Variants in BLTP3B observed in about 807,000 individuals in gnomAD.
BLTP3B encodes the protein UHRF1 (ICBP90) binding protein 1-like.
the BLTP3B span, among the ~76,000 whole-genome samples, chr12:100,043,711 T>C: frequency 3.3e-5 from 5 of 152,350 alleles, no homozygotes; most frequent in South Asian, 8.3e-4. Flanking sequence ...ATTCCCTTCC[T>C]GGGGGCTTAG....
At chr12:100,138,333 AT>A in the BLTP3B span, among the ~76,000 whole-genome samples, 1 of 152,160 alleles carries the variant, frequency 6.6e-6, no homozygotes, top group Admixed American at 6.5e-5. Flanking sequence ...CAGCTTTCTG[AT>A]GTTTGCAGGC....
At chr12:100,098,298 C>G in the BLTP3B span, 8 of 1,497,132 alleles carry the variant, frequency 5.3e-6, no homozygotes, top group East Asian at 2.3e-5. Flanking sequence ...TTTAATCGTC[C>G]TCTTTTACTT....
the BLTP3B span, among the ~76,000 whole-genome samples, chr12:100,046,311 G>T: frequency 1.3e-5 from 2 of 152,136 alleles, no homozygotes; most frequent in Non-Finnish European, 2.9e-5. Context: ...CAATAGCAAA[G>T]ACTTGGAACC....
At chr12:100,041,877 T>G in the BLTP3B span, among the ~76,000 whole-genome samples, 1 of 151,974 alleles carries the variant, frequency 6.6e-6, no homozygotes, top group Non-Finnish European at 1.5e-5. Flanking sequence ...AGAAAAAAAC[T>G]AAGGAAACAA....
the BLTP3B span, among the ~76,000 whole-genome samples, chr12:100,138,789 C>T: frequency 0.063 from 9,562 of 152,308 alleles, 332 homozygotes; most frequent in Middle Eastern, 0.14. Flanking sequence ...CAGGTCCTGG[C>T]TTAATTAAAT....
the BLTP3B span, chr12:100,084,769 T>A: frequency 8.7e-7 from 1 of 1,154,338 alleles, no homozygotes; most frequent in Non-Finnish European, 1.2e-6. Context: ...GACTTTGATA[T>A]CTGAAAAATT....
At chr12:100,060,551 G>T in the BLTP3B span, among the ~76,000 whole-genome samples, 22 of 152,110 alleles carry the variant, frequency 1.4e-4, no homozygotes, top group African/African-American at 2.4e-4. Flanking sequence ...ATGCTAGCAG[G>T]TTCTCCTTGA....
chr12:100,065,261 T>C, the BLTP3B span, among the ~76,000 whole-genome samples: 8 of 151,900 alleles, frequency 5.3e-5, no homozygotes, highest in African/African-American at 1.9e-4. Context: ...TACAAATTGA[T>C]TGAAAAACGT....
the BLTP3B span, among the ~76,000 whole-genome samples, chr12:100,116,663 CT>C: frequency 6.6e-6 from 1 of 152,096 alleles, no homozygotes; most frequent in Non-Finnish European, 1.5e-5. Context: ...ACTAAAATTG[CT>C]TTTCCCCTAA....
chr12:100,048,295 T>TC, the BLTP3B span: 1 of 1,337,678 alleles, frequency 7.5e-7, no homozygotes, highest in Middle Eastern at 1.9e-4. Context: ...TTTTACTATT[T>TC]CCCCCTAGTT....
chr12:100,076,462 C>T, the BLTP3B span, among the ~76,000 whole-genome samples: 1 of 147,398 alleles, frequency 6.8e-6, no homozygotes, highest in African/African-American at 2.5e-5. Context: ...GGCACAATCT[C>T]GGCCCACAAC....
the BLTP3B span, chr12:100,088,933 T>C: frequency 6.4e-7 from 1 of 1,573,300 alleles, no homozygotes; most frequent in Non-Finnish European, 8.6e-7. Context: ...TTAGCATGAA[T>C]GTCATCACAT....
the BLTP3B span, chr12:100,039,836 T>C: frequency 2.1e-5 from 31 of 1,506,320 alleles, no homozygotes; most frequent in Non-Finnish European, 2.7e-5. Context: ...AAATACTTGA[T>C]AAATCTTTAA....
At chr12:100,043,190 A>C in the BLTP3B span, among the ~76,000 whole-genome samples, 1 of 152,200 alleles carries the variant, frequency 6.6e-6, no homozygotes, top group Non-Finnish European at 1.5e-5. Flanking sequence ...TAAACTGAAA[A>C]ATTTTTATGA....
the BLTP3B span, among the ~76,000 whole-genome samples, chr12:100,055,085 G>A: frequency 6.6e-6 from 1 of 152,134 alleles, no homozygotes; most frequent in Admixed American, 6.6e-5. Flanking sequence ...CCAAGATAAA[G>A]TAAACTGGAA....
the BLTP3B span, chr12:100,058,203 T>C: frequency 1.9e-6 from 3 of 1,613,008 alleles, no homozygotes; most frequent in Non-Finnish European, 2.5e-6. Context: ...TTGATTACCA[T>C]CACTATCAAA....
the BLTP3B span, among the ~76,000 whole-genome samples, chr12:100,127,152 T>G: frequency 1.3e-5 from 2 of 152,042 alleles, no homozygotes; most frequent in African/African-American, 4.8e-5. Context: ...AGCAAGCGTC[T>G]CAGAGGATTT....
At chr12:100,080,359 T>C in the BLTP3B span, among the ~76,000 whole-genome samples, 1 of 151,886 alleles carries the variant, frequency 6.6e-6, no homozygotes, top group Non-Finnish European at 1.5e-5. Flanking sequence ...CTTTTTTTTT[T>C]TTTTTTGTTT....
the BLTP3B span, chr12:100,051,472 A>G: frequency 6.3e-6 from 2 of 316,270 alleles, no homozygotes; most frequent in East Asian, 1.1e-4. Flanking sequence ...TCACAGATCA[A>G]TACTTTTAAA....
Sources: allele counts gnomAD v4.1 joint callset (sites outside exome capture counted in the v4.1 genomes callset), GRCh38; gene constraint gnomAD v4.1.1; transcripts MANE v1.5; gene names NCBI Gene and HGNC (gene_info 2026-07-23, HGNC 2026-07-21).